Variants in DEPDC5 observed in about 807,000 individuals in gnomAD.
DEPDC5 encodes the protein GATOR1 complex protein DEPDC5.
In DEPDC5, 73 loss-of-function variants were observed where a neutral mutation model predicts 217.3. The ratio of observed to expected loss-of-function variants is 0.34; its 90% CI spans 0.28 to 0.41. The LOEUF (loss-of-function observed/expected upper bound fraction) is 0.41, where lower values mean the gene tolerates loss of function less well. Among genes scored for constraint, DEPDC5 ranks in the 10% least tolerant of loss-of-function variants. DEPDC5 has a pLI of 1.00. For missense variants in DEPDC5, 1,675 were observed against 2,070.1 expected (o/e 0.81, Z 3.70); for synonymous variants, 733 against 756.7 (o/e 0.97, Z 0.51).
At chr22:31,785,464 G>A (rs1030362533) in intron 10 of DEPDC5, among the ~76,000 whole-genome samples, 5 of 152,186 alleles carry the variant, frequency 3.3e-5, no homozygotes, top group African/African-American at 9.7e-5. Flanking sequence ...AGGAGTTAAT[G>A]AAGACCTAAG....
intron 37 of DEPDC5, among the ~76,000 whole-genome samples, chr22:31,879,095 C>CACATATATAT (rs1254455679): frequency 7.7e-6 from 1 of 130,502 alleles, no homozygotes; most frequent in Admixed American, 7.8e-5. Flanking sequence ...TATATATATA[C>CACATATATAT]ACATATATAT....
In DEPDC5 at chr22:31,838,770, A is replaced by G. The variant is rs1373296459; in HGVS notation, c.2440A>G (p.Ile814Val). The G allele has an allele frequency of 2.5e-6, 4 of 1,614,020 alleles. No homozygotes were observed. The African/African-American group carries it at 4.0e-5, about 16-fold the overall frequency. ...CQRLMQGYQIIVQPKTQKPNP... is the reference protein window; with the variant it reads ...CQRLMQGYQIVVQPKTQKPNP... ...ACGTCTCATGCAGGGCTACCAAATC[A>G]TAGTGCAGCCCAAGACACAGAAACC... The change falls in exon 27 of 43, where the codon ATA (isoleucine) becomes GTA (valine). Residue 814 changes from isoleucine to valine, a missense_variant. Physicochemically the swap from Ile to Val is conservative, Grantham distance 29. Transcript: ENST00000651528.
At chr22:31,765,109 C>T (rs776310270) in intron 5 of DEPDC5, 49 bp downstream of exon 5, 5 of 1,423,580 alleles carry the variant, frequency 3.5e-6, no homozygotes, top group Admixed American at 1.7e-5. Flanking sequence ...AAGCACCCTT[C>T]CTCAAGGTTA....
chr22:31,761,952 A>G (rs2082424664), intron 4 of DEPDC5, among the ~76,000 whole-genome samples: 1 of 141,500 alleles, frequency 7.1e-6, no homozygotes, highest in African/African-American at 2.7e-5. Flanking sequence ...TGGGCGACAG[A>G]GCGAGACTCC....
intron 41 of DEPDC5, among the ~76,000 whole-genome samples, chr22:31,902,433 T>TATATATATATATATATATATATAC (rs2093667659): frequency 7.7e-6 from 1 of 130,288 alleles, no homozygotes; most frequent in Non-Finnish European, 1.7e-5. Flanking sequence ...TATATATATA[T>TATATATATATATATATATATATAC]ATACTTATAT....
At chr22:31,881,469 T>G (rs569707177) in intron 38 of DEPDC5, among the ~76,000 whole-genome samples, 1 of 152,192 alleles carries the variant, frequency 6.6e-6, no homozygotes, top group South Asian at 2.1e-4. Flanking sequence ...CTCCCTTCAT[T>G]GCATTTCTAA....
intron 10 of DEPDC5, among the ~76,000 whole-genome samples, chr22:31,790,847 A>G (rs1371031494): frequency 6.6e-6 from 1 of 151,084 alleles, no homozygotes; most frequent in African/African-American, 2.4e-5. Context: ...CCTGGGTTCA[A>G]GTGATTATCC....
chr22:31,798,893 A>G (rs1309382704), intron 14 of DEPDC5, among the ~76,000 whole-genome samples: 1 of 152,210 alleles, frequency 6.6e-6, no homozygotes, highest in Non-Finnish European at 1.5e-5. Context: ...GAACACGTCC[A>G]CCTTAGGTAC....
At chr22:31,844,927 T>G (rs2091634952) in intron 29 of DEPDC5, 91 bp from the exon 30 acceptor site, 2 of 1,359,610 alleles carry the variant, frequency 1.5e-6, no homozygotes, top group South Asian at 1.2e-5. Flanking sequence ...GAGATGGACC[T>G]TCACACACCA....
intron 31 of DEPDC5, among the ~76,000 whole-genome samples, chr22:31,850,709 C>T (rs568747500): frequency 1.6e-4 from 24 of 152,068 alleles, no homozygotes; most frequent in Admixed American, 1.2e-3. Context: ...CTCAGGAGTT[C>T]GAGACCAGCC....
chr22:31,762,028 C>G (rs1036249793), intron 4 of DEPDC5, among the ~76,000 whole-genome samples: 1 of 151,752 alleles, frequency 6.6e-6, no homozygotes, highest in South Asian at 2.1e-4. Flanking sequence ...TCTTGAACTC[C>G]TGGCCTCAAG....
rs1486738494 is a variant in DEPDC5, at chr22:31,779,862, A to G, written c.483+1694A>G. Reference sequence around the variant, plus strand: ...CAAGAGCTGATATAATCACCTCCATATTCCAGGCAGAGGAGAGAGGAAGGG... The same window carrying G: ...CAAGAGCTGATATAATCACCTCCATGTTCCAGGCAGAGGAGAGAGGAAGGG... On this transcript the variant is annotated intron_variant, in intron 8 of 42. Transcript: ENST00000651528. Among the ~76,000 whole-genome samples the G allele has an allele frequency of 4.6e-5, 7 of 152,252 alleles. No individual in the cohort carries two copies. In the East Asian group the frequency reaches 1.2e-3, roughly 25 times the overall value.
intron 38 of DEPDC5, among the ~76,000 whole-genome samples, chr22:31,881,716 C>G (rs1238985899): frequency 3.3e-5 from 5 of 152,030 alleles, no homozygotes; most frequent in African/African-American, 9.7e-5. Flanking sequence ...GAGGCTGAGG[C>G]AGGAGGATCA....
intron 37 of DEPDC5, among the ~76,000 whole-genome samples, chr22:31,878,056 G>T (rs768697815): frequency 6.6e-6 from 1 of 151,802 alleles, no homozygotes; most frequent in Non-Finnish European, 1.5e-5. Flanking sequence ...GCGTGGTGGC[G>T]CACGCCTGTA....
intron 33 of DEPDC5, among the ~76,000 whole-genome samples, chr22:31,863,931 C>CA (rs1002101846): frequency 6.8e-5 from 10 of 146,166 alleles, no homozygotes; most frequent in South Asian, 4.3e-4. Flanking sequence ...TGAAAAAAAA[C>CA]AAAAAAAAAT....
chr22:31,873,361 GA>G (rs779412193), intron 35 of DEPDC5, 29 bp downstream of exon 35: 49 of 1,605,716 alleles, frequency 3.1e-5, no homozygotes, highest in African/African-American at 1.3e-5. Context: ...TGTAGGGTTG[GA>G]AGGTTCCCAG....
At chr22:31,877,749 C>CAAAAAAAA (rs136870) in intron 37 of DEPDC5, among the ~76,000 whole-genome samples, 1 of 62,844 alleles carries the variant, frequency 1.6e-5, no homozygotes, top group Admixed American at 2.3e-4. Flanking sequence ...GACTCCATCT[C>CAAAAAAAA]AAAAAAAAAA....
chr22:31,842,897 GT>G (rs1465214242), intron 27 of DEPDC5, among the ~76,000 whole-genome samples, 197 bp from the exon 28 acceptor site: 2 of 152,112 alleles, frequency 1.3e-5, no homozygotes, highest in African/African-American at 2.4e-5. Flanking sequence ...TCTGCTCCTG[GT>G]TGGTTTAATA....
intron 24 of DEPDC5, among the ~76,000 whole-genome samples, chr22:31,824,366 A>C (rs537421163): frequency 2.6e-5 from 4 of 152,228 alleles, no homozygotes; most frequent in East Asian, 1.9e-4. Context: ...AAAAAAAGAA[A>C]GGTGTCATGA....
Sources: gnomAD v4.1 joint callset for allele counts (sites outside exome capture counted in the v4.1 genomes callset) on GRCh38, gnomAD v4.1.1 for gene constraint, MANE v1.5 for transcripts, NCBI Gene and HGNC (gene_info 2026-07-23, HGNC 2026-07-21) for gene names.